NUP155: variants seen among roughly 807,000 people sequenced by gnomAD.
NUP155 encodes the protein nuclear pore complex protein Nup155.
NUP155 carries 71 observed loss-of-function variants against 180.4 expected under a neutral mutation model. The ratio of observed to expected loss-of-function variants is 0.39; its 90% confidence interval spans 0.33 to 0.48. NUP155 has a LOEUF of 0.48. NUP155 is among the 20% of genes least tolerant of loss of function. The pLI, the probability that NUP155 is intolerant of heterozygous loss-of-function variation, is 0.91. For synonymous variants in NUP155, 582 were observed against 559.5 expected, an observed-to-expected ratio of 1.04 and a Z score of -0.57; for missense variants, 1,553 against 1,648.9, an observed-to-expected ratio of 0.94 and a Z score of 1.01.
chr5:37,299,002 T>G, intron 31 of NUP155, 24 bp from the exon 32 acceptor site: 2 of 1,331,192 alleles, frequency 1.5e-6, no homozygotes, highest in Non-Finnish European at 2.2e-6. Flanking sequence ...ACATGTCATT[T>G]GAAACCCAAA....
At chr5:37,296,927 A>G (rs1340394038) in intron 32 of NUP155, among the ~76,000 whole-genome samples, 1 of 152,090 alleles carries the variant, frequency 6.6e-6, no homozygotes, top group Non-Finnish European at 1.5e-5. Context: ...CTATAATCCC[A>G]GCACTATGGG....
intron 32 of NUP155, among the ~76,000 whole-genome samples, chr5:37,296,822 TCTAA>T (rs1367470377): frequency 2.0e-5 from 3 of 152,196 alleles, no homozygotes; most frequent in East Asian, 1.9e-4. Flanking sequence ...ATTTGACAGT[TCTAA>T]CTGTGGCCTC....
At chr5:37,340,389 G>A (rs1745634352) in intron 11 of NUP155, among the ~76,000 whole-genome samples, 1 of 151,620 alleles carries the variant, frequency 6.6e-6, no homozygotes, top group African/African-American at 2.4e-5. Context: ...AGGTTGCAGT[G>A]AGCAGAGATT....
intron 27 of NUP155, 132 bp downstream of exon 27, chr5:37,304,607 T>C: frequency 1.4e-6 from 1 of 712,660 alleles, no homozygotes; most frequent in Non-Finnish European, 2.5e-6. Context: ...ACTGCATTAC[T>C]CAGCTTTATA....
intron 23 of NUP155, 48 bp from the exon 24 acceptor site, chr5:37,309,315 A>G (rs1355444111): frequency 6.6e-7 from 1 of 1,508,344 alleles, no homozygotes; most frequent in African/African-American, 1.4e-5. Context: ...AATCAAGCAG[A>G]CAGATGATGC....
intron 7 of NUP155, 89 bp downstream of exon 7, chr5:37,350,071 A>G: frequency 1.1e-6 from 1 of 923,836 alleles, no homozygotes; most frequent in Non-Finnish European, 1.8e-6. Context: ...AATTGTTTCA[A>G]TTAAGAATGA....
chr5:37,342,871 G>A (rs1279153100), intron 9 of NUP155, among the ~76,000 whole-genome samples: 1 of 151,934 alleles, frequency 6.6e-6, no homozygotes, highest in Non-Finnish European at 1.5e-5. Flanking sequence ...TGAGTAGCTG[G>A]GATTACGGGC....
chr5:37,328,098 G>GAACT (rs1744723793), intron 17 of NUP155, among the ~76,000 whole-genome samples: 1 of 152,184 alleles, frequency 6.6e-6, no homozygotes, highest in South Asian at 2.1e-4. Context: ...CAGTGAAATA[G>GAACT]AACTGATTAC....
rs371676330 is a variant in NUP155 at position 37,328,414 on chromosome 5, G to A, written c.1820C>T (p.Pro607Leu). 1.2e-5 allele frequency: 19 copies of A among 1,597,882 alleles called. No individual in the cohort carries two copies. In the African/African-American group the frequency reaches 2.4e-4, roughly 20 times the overall value. ...ILGSPVYSSSPVPSGSPYPNP... is the reference protein window; with the variant it reads ...ILGSPVYSSSLVPSGSPYPNP... ...TGGATAGGGACTACCACTAGGAACA[G>A]GAGAACCTAAAAAGGGAAAGAAGAA... The change falls in exon 17 of 35, where the codon CCT becomes CTT. Residue 607 changes from proline to leucine, a missense_variant. By Grantham distance (98) the Pro-to-Leu change is moderately conservative. Transcript: ENST00000231498.
In NUP155 at chr5:37,370,003, TTC is replaced by T. The variant is rs533502159; in HGVS notation, c.157+816_157+817del. ...GTACATAAGCACTGTGATTTCCCTG[TTC>T]TCTTTCTTTATTCCACTGGTAGTTC... On this transcript the variant is annotated intron_variant, in intron 1 of 34. Transcript: ENST00000231498. Among the ~76,000 whole-genome samples, 424 of 152,360 alleles carry T rather than the reference TTC, an allele frequency of 2.8e-3. 3 individuals are homozygous for T. Among genetic ancestry groups the T allele is most frequent in the African/African-American group, 9.6e-3 (400 of 41,600 alleles).
Position 37,314,213 on chromosome 5 carries a change from C to T in NUP155, c.2421G>A (p.Val807=). The T allele has an allele frequency of 6.2e-7, 1 of 1,608,252 alleles. No individual in the cohort carries two copies. The highest frequency in any genetic ancestry group is 8.5e-7 in the Non-Finnish European group (1 of 1,175,610). The change falls in exon 22 of 35, where the codon GTG becomes GTA. Residue 807 remains valine, a synonymous_variant. Transcript: ENST00000231498. The part of the protein sequence containing the change: ...LLCEHQFTII[V]AELQKELQEQ... ...AAAAAATTACCTTCTGAAGTTCTGC[C>T]ACAATGATAGTGAATTGATGTTCAC...
chr5:37,321,333 A>G (rs938627570), intron 20 of NUP155, among the ~76,000 whole-genome samples: 2 of 152,138 alleles, frequency 1.3e-5, no homozygotes, highest in Non-Finnish European at 2.9e-5. Flanking sequence ...GCGACAAAGC[A>G]AGACTCTGTC....
chr5:37,348,285 CAG>C (rs1746233346), intron 9 of NUP155, among the ~76,000 whole-genome samples: 2 of 151,614 alleles, frequency 1.3e-5, no homozygotes, highest in Non-Finnish European at 2.9e-5. Context: ...GCCTGGGTGA[CAG>C]AGTGAGACCC....
Position 37,341,109 on chromosome 5 carries a change from A to T in NUP155, c.1227T>A (p.His409Gln). 6.2e-7 allele frequency: 1 copy of T among 1,612,912 alleles called. No homozygotes were observed. The highest frequency in any genetic ancestry group is 1.3e-5 in the African/African-American group (1 of 75,008). The change falls in exon 11 of 35, where the codon CAT becomes CAA. Residue 409 changes from histidine to glutamine, a missense_variant. Transcript: ENST00000231498. ...ACTTACCTTTACTATAAAGAGCTCT[A>T]TGTACTTTTGAAGGCTTTTCCACGG... ...SSTVEKPSKV[H>Q]RALYSKGILL... is the part of the protein sequence containing the mutation.
rs375786815 is a variant in NUP155 at position 37,329,237 on chromosome 5, G to T, written c.1766C>A (p.Pro589Gln). 14 of 1,613,778 alleles carry T rather than the reference G, an allele frequency of 8.7e-6. No homozygotes were observed. The African/African-American group carries it at 1.6e-4, about 18-fold the overall frequency. The change falls in exon 16 of 35, where the codon CCG becomes CAG. Residue 589 changes from proline (P) to glutamine (Q), a missense_variant. Transcript: ENST00000231498. ...GATGGGACCAACATTACTTGGAGGC[G>T]GAAGAGTGGTTGGAAATCTCATCTG... ...EAQMRFPTTL[P>Q]PPSNVGPILG...
rs1336040398 is a variant in NUP155 at position 37,303,295 on chromosome 5, A to G, written c.3282T>C (p.Ala1094=). 3.1e-6 allele frequency: 5 copies of G among 1,614,186 alleles called. No homozygotes were observed. Among genetic ancestry groups the G allele is most frequent in the Non-Finnish European group, 4.2e-6 (5 of 1,180,012 alleles). ...YYEKNRSFSN[A]ARVLSRLADM... ...CAGCCAGTCTGGACAGTACACGAGC[A>G]GCATTACTGAAACTTCTGTTCTTCT... Residue 1094 remains alanine (A), a synonymous_variant, in exon 28 of 35, where the codon GCT becomes GCC. Transcript: ENST00000231498.
intron 22 of NUP155, among the ~76,000 whole-genome samples, chr5:37,311,559 G>A (rs1743527309): frequency 6.6e-6 from 1 of 152,010 alleles, no homozygotes; most frequent in South Asian, 2.1e-4. Flanking sequence ...GACACTAGTG[G>A]AAAGAATGAG....
chr5:37,332,562 T>A (rs1170474457), intron 13 of NUP155, among the ~76,000 whole-genome samples: 2 of 152,028 alleles, frequency 1.3e-5, no homozygotes, highest in South Asian at 4.1e-4. Context: ...TTACAATCAA[T>A]GGCAAAAACC....
At chr5:37,368,109 G>A (rs1215620456) in intron 1 of NUP155, among the ~76,000 whole-genome samples, 2 of 150,142 alleles carry the variant, frequency 1.3e-5, no homozygotes, top group Non-Finnish European at 2.9e-5. Context: ...GTTTTGCCAT[G>A]TTGCTCACTC....
Sources: allele counts gnomAD v4.1 joint callset (sites outside exome capture counted in the v4.1 genomes callset), GRCh38; gene constraint gnomAD v4.1.1; transcripts MANE v1.5; gene names NCBI Gene and HGNC (gene_info 2026-07-23, HGNC 2026-07-21).